CFAP43: variants seen among roughly 807,000 people sequenced by gnomAD.
CFAP43 encodes cilia- and flagella-associated protein 43.
A neutral mutation model predicts 218.9 loss-of-function variants in CFAP43; 155 were observed. The ratio of observed to expected loss-of-function variants is 0.71; its 90% confidence interval spans 0.62 to 0.81. The LOEUF is 0.81. Among genes scored for constraint, CFAP43 ranks in the 30% least tolerant of loss-of-function variants. The pLI is 0.00. For missense variants in CFAP43, 1,778 were observed against 1,954.3 expected (o/e 0.91, Z 1.70); for synonymous variants, 645 against 681.3 (o/e 0.95, Z 0.83).
rs2090740576 is a variant in CFAP43 at position 104,207,813 on chromosome 10, A to G, written c.747T>C (p.Asp249=). 1 of 1,611,878 alleles carries G rather than the reference A, an allele frequency of 6.2e-7. No homozygotes were observed. Among genetic ancestry groups the G allele is most frequent in the African/African-American group, 1.3e-5 (1 of 74,900 alleles). ...TAGTCGGGTGAAGCAAAGGATATAGATCATCTTTCGGCTTCAGGGAGAGAA... is the reference window on the plus strand; with the variant it reads ...TAGTCGGGTGAAGCAAAGGATATAGGTCATCTTTCGGCTTCAGGGAGAGAA... ...KEAETFRPKD[D]LYPLLHPTMH... The change falls in exon 6 of 38, where the codon GAT becomes GAC. Residue 249 remains aspartate, a synonymous_variant. Coordinates refer to ENST00000357060, the MANE Select transcript of CFAP43 (RefSeq NM_025145.7).
intron 30 of CFAP43, among the ~76,000 whole-genome samples, chr10:104,145,850 ACATGAATGT>A (rs537025605): frequency 1.4e-3 from 215 of 152,306 alleles, no homozygotes; most frequent in African/African-American, 5.1e-3. Context: ...TACCCAAAAA[ACATGAATGT>A]TACTCTATTC....
At chr10:104,184,339 TAC>T (rs1416810761) in intron 16 of CFAP43, among the ~76,000 whole-genome samples, 1 of 152,206 alleles carries the variant, frequency 6.6e-6, no homozygotes, top group African/African-American at 2.4e-5. Context: ...TGTGTATATA[TAC>T]ATACATGTAT....
chr10:104,190,213 T>G (rs1247701801), intron 12 of CFAP43, among the ~76,000 whole-genome samples: 1 of 148,744 alleles, frequency 6.7e-6, no homozygotes, highest in Admixed American at 6.7e-5. Context: ...AAACCTGTAG[T>G]CCCAGCTACT....
intron 10 of CFAP43, among the ~76,000 whole-genome samples, chr10:104,196,364 T>G (rs1473031568): frequency 6.6e-6 from 1 of 152,184 alleles, no homozygotes; most frequent in East Asian, 1.9e-4. Context: ...ATGGGACCAT[T>G]TAACCAATTA....
At chr10:104,223,614 T>C (rs779897207) in intron 3 of CFAP43, among the ~76,000 whole-genome samples, 10 of 152,216 alleles carry the variant, frequency 6.6e-5, no homozygotes, top group Non-Finnish European at 1.0e-4. Flanking sequence ...GTAAGGACAA[T>C]TGGAGCCTTC....
intron 2 of CFAP43, among the ~76,000 whole-genome samples, chr10:104,227,605 G>C (rs1371296792): frequency 6.6e-6 from 1 of 152,002 alleles, no homozygotes; most frequent in African/African-American, 2.4e-5. Flanking sequence ...GTTCTAAGAG[G>C]CTGTTTGTTT....
chr10:104,175,617 T>A (rs150743620), intron 19 of CFAP43, among the ~76,000 whole-genome samples: 1 of 152,266 alleles, frequency 6.6e-6, no homozygotes, highest in East Asian at 1.9e-4. Flanking sequence ...CTTCAGAATA[T>A]TCATTGTTTA....
chr10:104,185,057 C>A lies in CFAP43; in HGVS notation c.2100G>T (p.Val700=), dbSNP rs145800519. ...RISMDGQNIL[V]NGRDDGTLVY... ...CAAGGGTGCCATCATCTCTCCCATT[C>A]ACCAGAATGTTTTGTCCATCCATTG... Residue 700 remains valine (V), a synonymous_variant, in exon 16 of 38, where the codon GTG becomes GTT. Coordinates refer to ENST00000357060, the MANE Select transcript of CFAP43 (RefSeq NM_025145.7). 15,528 of 1,614,140 alleles carry A rather than the reference C, an allele frequency of 9.6e-3. 109 individuals carry two copies. Among genetic ancestry groups the A allele is most frequent in the Non-Finnish European group, 0.012 (13,642 of 1,180,000 alleles).
At chr10:104,163,158 C>T (rs144567187) in intron 24 of CFAP43, among the ~76,000 whole-genome samples, 51 of 152,256 alleles carry the variant, frequency 3.3e-4, no homozygotes, top group Admixed American at 1.0e-3. Flanking sequence ...TGGTTTGGGT[C>T]CAAAGCCCCA....
chr10:104,154,833 C>T (rs763491693), intron 27 of CFAP43, among the ~76,000 whole-genome samples: 16 of 152,210 alleles, frequency 1.1e-4, no homozygotes, highest in Admixed American at 2.6e-4. Context: ...TCCCACTCTT[C>T]GGCCTCTTCA....
rs776722704 is a variant in CFAP43, at chr10:104,168,771, C to T, written c.2664G>A (p.Ser888=). 18 of 1,613,936 alleles carry T rather than the reference C, an allele frequency of 1.1e-5. No individual in the cohort carries two copies. Among genetic ancestry groups the T allele is most frequent in the Admixed American group, 5.0e-5 (3 of 60,008 alleles). ...AELIKEECWN[S]MAVKGRALKC... ...TAAGAGCTCGACCTTTCACAGCCATCGAATTCCAACATTCTTCTTTGATAA... is the reference window on the plus strand; with the variant it reads ...TAAGAGCTCGACCTTTCACAGCCATTGAATTCCAACATTCTTCTTTGATAA... Residue 888 remains serine (S), a synonymous_variant, in exon 21 of 38, where the codon TCG becomes TCA. Coordinates refer to ENST00000357060, the MANE Select transcript of CFAP43 (RefSeq NM_025145.7).
In CFAP43 at chr10:104,179,026, T is replaced by C; in HGVS notation, c.2460+3A>G. On this transcript the variant is annotated splice_donor_region_variant and intron_variant, in intron 19 of 37. Coordinates refer to ENST00000357060, the MANE Select transcript of CFAP43 (RefSeq NM_025145.7). ...TATTAGAATATGAAATTACAACACT[T>C]ACAGTTTTGGAAAGTGATTTGATTC... is the stretch of plus-strand genomic sequence containing the variant. 1.2e-6 allele frequency: 2 copies of C among 1,607,594 alleles called. No homozygotes were observed. Among genetic ancestry groups the C allele is most frequent in the African/African-American group, 1.3e-5 (1 of 74,856 alleles).
chr10:104,140,515 G>C (rs1231860820), intron 34 of CFAP43, among the ~76,000 whole-genome samples: 2 of 152,238 alleles, frequency 1.3e-5, no homozygotes, highest in Non-Finnish European at 2.9e-5. Context: ...CTTTAAACAA[G>C]TATAATTGGC....
chr10:104,216,313 C>G (rs1210668276), intron 3 of CFAP43, among the ~76,000 whole-genome samples: 1 of 152,220 alleles, frequency 6.6e-6, no homozygotes, highest in Non-Finnish European at 1.5e-5. Flanking sequence ...CAACCACCTT[C>G]TGGAATCACT....
intron 7 of CFAP43, among the ~76,000 whole-genome samples, chr10:104,204,853 G>C (rs1429353473): frequency 6.6e-6 from 1 of 152,188 alleles, no homozygotes; most frequent in Non-Finnish European, 1.5e-5. Context: ...GTTACAACTA[G>C]ACCTATGTTT....
intron 21 of CFAP43, among the ~76,000 whole-genome samples, chr10:104,168,176 G>A (rs1019822267): frequency 6.6e-6 from 1 of 152,160 alleles, no homozygotes; most frequent in Non-Finnish European, 1.5e-5. Context: ...TGGCTCATGA[G>A]GACCCTGTTT....
intron 3 of CFAP43, among the ~76,000 whole-genome samples, chr10:104,217,308 AT>A (rs1436702773): frequency 6.7e-5 from 10 of 149,190 alleles, no homozygotes; most frequent in Admixed American, 5.3e-4. Context: ...CAAGCCTTGC[AT>A]TTTTTTCTTT....
At chr10:104,213,360 G>A (rs1411937834) in intron 4 of CFAP43, among the ~76,000 whole-genome samples, 2 of 152,078 alleles carry the variant, frequency 1.3e-5, no homozygotes, top group Non-Finnish European at 2.9e-5. Flanking sequence ...CACTGAAAAT[G>A]GTCAGCTCAG....
At position 104,167,690 on chromosome 10, in the gene CFAP43, G is replaced by A. The variant is rs1469768227; in HGVS notation, c.2739C>T (p.Arg913=). The A allele has an allele frequency of 6.2e-7, 1 of 1,611,722 alleles. No individual in the cohort carries two copies. Among genetic ancestry groups the A allele is most frequent in the Non-Finnish European group, 8.5e-7 (1 of 1,179,428 alleles). ...CCAATTCTTTCAGCTCTTCAACCGT[G>A]CGCGCTTTCATCGGGAAGTTTTCAA... ...CVVENFPMKA[R]TVEELKELER... The change falls in exon 22 of 38, where the codon CGC becomes CGT. Residue 913 remains arginine, a synonymous_variant. Coordinates refer to ENST00000357060, the MANE Select transcript of CFAP43 (RefSeq NM_025145.7).
Sources: allele counts gnomAD v4.1 joint callset (sites outside exome capture counted in the v4.1 genomes callset), GRCh38; gene constraint gnomAD v4.1.1; transcripts MANE v1.5; gene names NCBI Gene and HGNC (gene_info 2026-07-23, HGNC 2026-07-21).